Variants in IFRD2 observed in about 807,000 individuals in gnomAD.
IFRD2 encodes interferon related developmental regulator 2, also known as interferon-related developmental regulator 2.
Under a neutral mutation model 49.2 loss-of-function variants are expected in IFRD2, and 35 were observed. That is an observed-to-expected ratio of 0.71 (90% CI 0.54 to 0.94). IFRD2 has a LOEUF of 0.94. Among genes scored for constraint, IFRD2 ranks in the 40% least tolerant of loss-of-function variants. The pLI, the probability that IFRD2 is intolerant of heterozygous loss-of-function variation, is 0.00. For synonymous variants in IFRD2, 275 were observed against 239.7 expected (o/e 1.15, Z -1.36); for missense variants, 561 against 591.6 (o/e 0.95, Z 0.54).
At chr3:50,292,185 T>C (rs1701690093) in intron 1 of IFRD2, 32 bp downstream of exon 1, 2 of 1,431,416 alleles carry the variant, frequency 1.4e-6, no homozygotes, top group Admixed American at 5.8e-5. Context: ...CCGCCGCTCA[T>C]ACAGCTGTCC....
chr3:50,288,561 C>T (rs782279734), intron 10 of IFRD2, 22 bp downstream of exon 10: 3 of 1,613,844 alleles, frequency 1.9e-6, no homozygotes, highest in Non-Finnish European at 2.5e-6. Context: ...ACCAGATGTC[C>T]CCTCCCTGTC....
chr3:50,290,521 C>A, intron 2 of IFRD2, 39 bp downstream of exon 2: 1 of 1,606,930 alleles, frequency 6.2e-7, no homozygotes, highest in Non-Finnish European at 8.5e-7. Flanking sequence ...GCCCATGGAG[C>A]CCTCACCAAG....
chr3:50,291,399 G>A (rs1337401906), intron 1 of IFRD2, among the ~76,000 whole-genome samples: 1 of 152,086 alleles, frequency 6.6e-6, no homozygotes, highest in African/African-American at 2.4e-5. Context: ...CCAGCTGCCA[G>A]GTCTTTGTAC....
intron 1 of IFRD2, 104 bp downstream of exon 1, chr3:50,292,113 C>T (rs1328380842): frequency 7.2e-6 from 9 of 1,257,756 alleles, no homozygotes; most frequent in Non-Finnish European, 8.4e-6. Flanking sequence ...GTGGGGCTGG[C>T]CGAGGGGGTT....
chr3:50,290,314 G>A lies in IFRD2; in HGVS notation c.264-20C>T, dbSNP rs1701649471. ...TTGGCACTGGGGGAGGTCGAGAAGGGGGGTCATATGGGCCAGCCCTCCCTT... is the reference window on the plus strand; with the variant it reads ...TTGGCACTGGGGGAGGTCGAGAAGGAGGGTCATATGGGCCAGCCCTCCCTT... On this transcript the variant is annotated intron_variant, in intron 3 of 11. Transcript: ENST00000417626. The A allele has an allele frequency of 1.2e-6, 2 of 1,607,274 alleles. No homozygotes were observed. The highest frequency in any genetic ancestry group is 1.3e-5 in the African/African-American group (1 of 74,884).
In IFRD2 at chr3:50,289,631, A is replaced by G. The variant is rs1356373225; in HGVS notation, c.598-3T>C. ...CAGGCAAGGCAAGAGACCAGGTCCT[A>G]GGAGCACAGAGAGGCAGGGGAGCTC... On this transcript the variant is annotated splice_polypyrimidine_tract_variant and splice_region_variant and intron_variant, in intron 6 of 11. Coordinates refer to ENST00000417626, the MANE Select transcript of IFRD2 (RefSeq NM_006764.5). 6.3e-7 allele frequency: 1 copy of G among 1,598,994 alleles called. No homozygotes were observed. The highest frequency in any genetic ancestry group is 1.3e-5 in the African/African-American group (1 of 74,594).
chr3:50,288,679 G>T lies in IFRD2; in HGVS notation c.1056C>A (p.Phe352Leu). 6.2e-7 allele frequency: 1 copy of T among 1,613,682 alleles called. No homozygotes were observed. Among genetic ancestry groups the T allele is most frequent in the South Asian group, 1.1e-5 (1 of 91,052 alleles). The part of the protein sequence containing the change: ...GGECEEEIVR[F>L]GFEVLYMDSW... ...TGTCCATGTAGAGCACCTCAAAGCC[G>T]AAGCGCACTATCTCTTCTTCGCATT... Residue 352 changes from phenylalanine (F) to leucine (L), a missense_variant, in exon 10 of 12, where the codon TTC becomes TTA. By Grantham distance (22) the Phe-to-Leu change is conservative. Coordinates refer to ENST00000417626, the MANE Select transcript of IFRD2 (RefSeq NM_006764.5).
In IFRD2 at chr3:50,288,674, A is replaced by G. The variant is rs369393557; in HGVS notation, c.1061T>C (p.Phe354Ser). ...CCAGCTGTCCATGTAGAGCACCTCA[A>G]AGCCGAAGCGCACTATCTCTTCTTC... ...ECEEEIVRFG[F>S]EVLYMDSWAR... The change falls in exon 10 of 12, where the codon TTT becomes TCT. Residue 354 changes from phenylalanine to serine, a missense_variant. Physicochemically the swap from Phe to Ser is radical, Grantham distance 155. Coordinates refer to ENST00000417626, the MANE Select transcript of IFRD2 (RefSeq NM_006764.5). 5 of 1,613,724 alleles carry G rather than the reference A, an allele frequency of 3.1e-6. No homozygotes were observed. The highest frequency in any genetic ancestry group is 1.7e-5 in the Admixed American group (1 of 59,992).
chr3:50,292,115 G>T, intron 1 of IFRD2, 102 bp downstream of exon 1: 1 of 1,262,046 alleles, frequency 7.9e-7, no homozygotes, highest in Non-Finnish European at 1.1e-6. Flanking sequence ...GGGGCTGGCC[G>T]AGGGGGTTCC....
intron 11 of IFRD2, 35 bp downstream of exon 11, chr3:50,288,374 A>T: frequency 6.2e-7 from 1 of 1,605,734 alleles, no homozygotes; most frequent in East Asian, 2.2e-5. Context: ...GGAAATGGGA[A>T]TAGGGGGAAG....
chr3:50,292,147 A>C, intron 1 of IFRD2, 70 bp downstream of exon 1: 1 of 1,411,034 alleles, frequency 7.1e-7, no homozygotes, highest in South Asian at 1.5e-5. Flanking sequence ...CCTCGAGAAC[A>C]ACCAAGGGGA....
chr3:50,289,507 T>G lies in IFRD2; in HGVS notation c.719A>C (p.Gln240Pro). 1 of 1,585,592 alleles carries G rather than the reference T, an allele frequency of 6.3e-7. No homozygotes were observed. Among genetic ancestry groups the G allele is most frequent in the Non-Finnish European group, 8.6e-7 (1 of 1,166,102 alleles). The change falls in exon 7 of 12, where the codon CAG becomes CCG. Residue 240 changes from glutamine (Q) to proline (P), a missense_variant. Gln to Pro is a moderately conservative substitution (Grantham distance 76). Transcript: ENST00000417626. ...SLHGLLSAAL[Q>P]AWALLLTICP... ...GATGGTGAGCAGCAATGCCCAGGCCTGCAGGGCAGCAGAGAGCAGGCCGTG... is the reference window on the plus strand; with the variant it reads ...GATGGTGAGCAGCAATGCCCAGGCCGGCAGGGCAGCAGAGAGCAGGCCGTG...
chr3:50,289,566 G>GC lies in IFRD2; in HGVS notation c.659dup (p.Ser221GlnfsTer31), dbSNP rs782587679. 1.3e-6 allele frequency: 2 copies of GC among 1,581,246 alleles called. No individual in the cohort carries two copies. On this transcript the variant is annotated frameshift_variant, in exon 7 of 12. Coordinates refer to ENST00000417626, the MANE Select transcript of IFRD2 (RefSeq NM_006764.5). LOFTEE classifies it high-confidence loss of function. ...CAGGAACCACAGGACTTGTGGAGCT[G>GC]CCCCCCAAGCCATAGAACCGGCTGA...
At position 50,288,426 on chromosome 3, in the gene IFRD2, C is replaced by G. The variant is rs782202612; in HGVS notation, c.1231G>C (p.Val411Leu). 1 of 1,613,328 alleles carries G rather than the reference C, an allele frequency of 6.2e-7. No homozygotes were observed. Among genetic ancestry groups the G allele is most frequent in the Non-Finnish European group, 8.5e-7 (1 of 1,179,594 alleles). The change falls in exon 11 of 12, where the codon GTT (valine) becomes CTT (leucine). Residue 411 changes from valine (V) to leucine (L), a missense_variant. Val to Leu is a conservative substitution (Grantham distance 32, BLOSUM62 1). Transcript: ENST00000417626. ...GTGCAAACCTTCTCAAAGCGTGGAA[C>G]CTTGCAGGCCTTCAGGGCAGTGGCA... is the stretch of plus-strand genomic sequence containing the variant. ...LDATALKACK[V>L]PRFEKHLYNA...
intron 8 of IFRD2, 76 bp from the exon 9 acceptor site, chr3:50,289,013 C>T: frequency 6.5e-7 from 1 of 1,547,536 alleles, no homozygotes; most frequent in Non-Finnish European, 8.8e-7. Context: ...TGCCCAAACC[C>T]CTCCTTTCAC....
Position 50,290,013 on chromosome 3 carries a change from C to T in IFRD2, c.462G>A (p.Lys154=). The T allele has an allele frequency of 1.2e-6, 2 of 1,613,430 alleles. No individual in the cohort carries two copies. The highest frequency in any genetic ancestry group is 2.2e-5 in the South Asian group (2 of 90,978). ...GCAGGCTGTGAAACAGCTCCTCACC[C>T]TTAGGTCCAGGGCCCAGCTGCACGC... ...LLCVQLGPGP[K]GEELFHSLQP... is the part of the protein sequence containing the mutation. Residue 154 remains lysine, a synonymous_variant, in exon 5 of 12, where the codon AAG becomes AAA. Coordinates refer to ENST00000417626, the MANE Select transcript of IFRD2 (RefSeq NM_006764.5).
chr3:50,290,592 C>T lies in IFRD2; in HGVS notation c.146G>A (p.Ser49Asn), dbSNP rs1701655598. 1 of 1,613,994 alleles carries T rather than the reference C, an allele frequency of 6.2e-7. No homozygotes were observed. The highest frequency in any genetic ancestry group is 1.1e-5 in the South Asian group (1 of 91,068). The part of the protein sequence containing the change: ...EARSTASECP[S>N]LLSTTAEDSL... The stretch of plus-strand genomic sequence containing the variant: ...GTCCTCTGCAGTGGTGCTGAGAAGG[C>T]TGGGGCATTCACTGGCGGTGCTGCG... The change falls in exon 2 of 12, where the codon AGC becomes AAC. Residue 49 changes from serine to asparagine, a missense_variant. Coordinates refer to ENST00000417626, the MANE Select transcript of IFRD2 (RefSeq NM_006764.5).
In IFRD2 at chr3:50,288,832, A is replaced by T. The variant is rs370635181; in HGVS notation, c.991T>A (p.Ser331Thr). Reference protein sequence around the residue: ...RAKADRRRQRSTFRAVLHSVE... With the variant: ...RAKADRRRQRTTFRAVLHSVE... ...GAGTGCAGCACGGCGCGGAAAGTAG[A>T]GCGCTGGCGCCGACGATCAGCCTTG... Residue 331 changes from serine (S) to threonine (T), a missense_variant, in exon 9 of 12, where the codon TCT becomes ACT. Physicochemically the swap from Ser to Thr is moderately conservative, Grantham distance 58. Transcript: ENST00000417626. 34 of 1,613,366 alleles carry T rather than the reference A, an allele frequency of 2.1e-5. No individual in the cohort carries two copies. Among genetic ancestry groups the T allele is most frequent in the Non-Finnish European group, 2.5e-5 (29 of 1,179,638 alleles).
At position 50,287,866 on chromosome 3, in the gene IFRD2, T is replaced by TAAGA. The variant is rs1701586745; in HGVS notation, c.*321_*324dup. On this transcript the variant is annotated 3_prime_UTR_variant, in exon 12 of 12. Coordinates refer to ENST00000417626, the MANE Select transcript of IFRD2 (RefSeq NM_006764.5). ...ATTTGTCCAGATGCCACCACCCCCC[T>TAAGA]AAGAGTGGGTCATCCTGGGGGAGCA... The TAAGA allele has an allele frequency of 2.9e-6, 1 of 348,306 alleles. No homozygotes were observed. Among genetic ancestry groups the TAAGA allele is most frequent in the Non-Finnish European group, 5.4e-6 (1 of 185,120 alleles). 21.6% of individuals were successfully genotyped at this position (348,306 alleles called of 1,614,324 possible).
Sources: gnomAD v4.1 joint callset for allele counts (sites outside exome capture counted in the v4.1 genomes callset) on GRCh38, gnomAD v4.1.1 for gene constraint, MANE v1.5 for transcripts, NCBI Gene and HGNC (gene_info 2026-07-23, HGNC 2026-07-21) for gene names.